The following NEDD4L variants were observed in gnomAD, a reference collection of about 807,000 sequenced individuals.
NEDD4L encodes NEDD4 like E3 ubiquitin protein ligase.
In NEDD4L, 54 loss-of-function variants were observed where a neutral mutation model predicts 148.9. That is an observed-to-expected ratio of 0.36 (90% CI 0.29 to 0.45). The LOEUF (loss-of-function observed/expected upper bound fraction) is 0.45. Ranked by LOEUF, NEDD4L falls within the 20% of genes least tolerant of loss-of-function variation. NEDD4L has a pLI of 1.00. For missense variants in NEDD4L, 856 were observed against 1,233.8 expected (o/e 0.69, Z 4.59); for synonymous variants, 433 against 440.7 (o/e 0.98, Z 0.22).
intron 2 of NEDD4L, among the ~76,000 whole-genome samples, chr18:58,229,776 G>A (rs1213809415): frequency 6.6e-6 from 1 of 152,008 alleles, no homozygotes; most frequent in African/African-American, 2.4e-5. Flanking sequence ...CGGATCGTGA[G>A]GTCAGGAGAT....
At chr18:58,059,348 C>T (rs2082223969) in intron 1 of NEDD4L, among the ~76,000 whole-genome samples, 1 of 152,218 alleles carries the variant, frequency 6.6e-6, no homozygotes, top group African/African-American at 2.4e-5. Context: ...ATGTGTTCCA[C>T]GGAAGAAGGT....
At chr18:58,131,300 G>A (rs116025130) in intron 1 of NEDD4L, among the ~76,000 whole-genome samples, 3,655 of 139,674 alleles carry the variant, frequency 0.026, 182 homozygotes, top group African/African-American at 0.092. Flanking sequence ...TTGTGATCTA[G>A]CAGAACAGTG....
intron 5 of NEDD4L, among the ~76,000 whole-genome samples, chr18:58,252,404 T>C (rs2048041677): frequency 6.6e-6 from 1 of 152,160 alleles, no homozygotes; most frequent in African/African-American, 2.4e-5. Context: ...CTTTGCTCGG[T>C]TTTTAAATGA....
chr18:58,280,683 C>T (rs1431752910), intron 5 of NEDD4L, among the ~76,000 whole-genome samples: 1 of 151,940 alleles, frequency 6.6e-6, no homozygotes, highest in Admixed American at 6.6e-5. Flanking sequence ...GTGGGGAATT[C>T]GGAGTGAGGG....
intron 4 of NEDD4L, 127 bp downstream of exon 4, chr18:58,249,064 A>G (rs2047602859): frequency 5.4e-6 from 3 of 553,240 alleles, no homozygotes; most frequent in Non-Finnish European, 9.5e-6. Context: ...AAAAATAGGT[A>G]GCCTCCTAAT....
chr18:58,320,514 T>G (rs1254801305), intron 6 of NEDD4L, among the ~76,000 whole-genome samples: 1 of 152,232 alleles, frequency 6.6e-6, no homozygotes, highest in Admixed American at 6.5e-5. Context: ...AATATTGCTC[T>G]CAAATTATTT....
chr18:58,386,969 A>G (rs188284025), intron 26 of NEDD4L, among the ~76,000 whole-genome samples: 1 of 152,242 alleles, frequency 6.6e-6, no homozygotes, highest in East Asian at 1.9e-4. Context: ...CTCATCCTAG[A>G]TCACGCCACA....
chr18:58,304,930 C>T (rs977660600), intron 5 of NEDD4L, among the ~76,000 whole-genome samples: 2 of 152,206 alleles, frequency 1.3e-5, no homozygotes, highest in African/African-American at 4.8e-5. Context: ...AGAGTGGCAG[C>T]CAGATATCCC....
intron 2 of NEDD4L, 117 bp from the exon 3 acceptor site, chr18:58,245,310 T>G (rs2047125831): frequency 1.8e-6 from 1 of 558,376 alleles, no homozygotes; most frequent in South Asian, 2.8e-5. Context: ...TTGCTTAGTT[T>G]GTGGAAATAA....
Position 58,248,772 on chromosome 18 carries a change from C to T in NEDD4L, c.205-127C>T, listed in dbSNP as rs1357976405. On this transcript the variant is annotated intron_variant, in intron 3 of 30. Transcript: ENST00000400345. ...GGTTTGTACGCTAGTCTCAAATAAT[C>T]GACTAAATGCTTCTCTTAGCTTTTT... The T allele has an allele frequency of 7.7e-5, 45 of 584,990 alleles. No homozygotes were observed. The East Asian group carries it at 8.2e-4, about 11-fold the overall frequency. The allele number at this position is 584,990 out of a possible 1,614,324, so 36.2% of individuals were successfully genotyped here.
intron 22 of NEDD4L, 130 bp from the exon 23 acceptor site, chr18:58,370,267 G>A: frequency 7.5e-6 from 5 of 668,380 alleles, no homozygotes; most frequent in Middle Eastern, 7.1e-4. Flanking sequence ...GTGCAATACT[G>A]TAGAAGGCCC....
At chr18:58,255,473 C>G in intron 5 of NEDD4L, 1 of 1,227,328 alleles carries the variant, frequency 8.1e-7, no homozygotes, top group Non-Finnish European at 1.0e-6. Flanking sequence ...TGGAATGCCG[C>G]TTGCCACTTG....
intron 5 of NEDD4L, among the ~76,000 whole-genome samples, chr18:58,281,323 A>T (rs73961552): frequency 0.018 from 2,318 of 128,896 alleles, 51 homozygotes; most frequent in African/African-American, 0.065. Flanking sequence ...TTTTTTTTTT[A>T]AACTGGAAAG....
intron 1 of NEDD4L, among the ~76,000 whole-genome samples, chr18:58,139,763 C>T (rs1235846897): frequency 6.6e-6 from 1 of 152,108 alleles, no homozygotes; most frequent in African/African-American, 2.4e-5. Flanking sequence ...TTCATCTTTG[C>T]TAACCTCCCA....
chr18:58,395,514 A>T (rs1184457583), intron 30 of NEDD4L, among the ~76,000 whole-genome samples: 1 of 151,712 alleles, frequency 6.6e-6, no homozygotes, highest in Non-Finnish European at 1.5e-5. Context: ...GCCTCCAGAT[A>T]TGTAGGGACT....
chr18:58,328,974 C>T (rs557631461), intron 9 of NEDD4L, 21 bp from the exon 10 acceptor site: 3 of 1,613,716 alleles, frequency 1.9e-6, no homozygotes, highest in East Asian at 2.2e-5. Context: ...TCTTCTCTTT[C>T]CCCCTTTCCT....
chr18:58,169,347 T>C (rs953142251), intron 2 of NEDD4L, among the ~76,000 whole-genome samples: 15 of 152,262 alleles, frequency 9.9e-5, no homozygotes, highest in Admixed American at 1.3e-4. Context: ...GGATCATACC[T>C]TGAGGACAAA....
intron 4 of NEDD4L, among the ~76,000 whole-genome samples, chr18:58,251,283 T>C (rs1440465611): frequency 6.6e-6 from 1 of 152,156 alleles, no homozygotes; most frequent in African/African-American, 2.4e-5. Flanking sequence ...CCCAGCACTT[T>C]GAGAGGCCAA....
At chr18:58,155,525 A>G (rs531532491) in intron 1 of NEDD4L, among the ~76,000 whole-genome samples, 11 of 152,310 alleles carry the variant, frequency 7.2e-5, no homozygotes, top group African/African-American at 2.6e-4. Flanking sequence ...ATTTCTTTGC[A>G]GTAAGGTGGC....
Sources: gnomAD v4.1 joint callset for allele counts (sites outside exome capture counted in the v4.1 genomes callset) on GRCh38, gnomAD v4.1.1 for gene constraint, MANE v1.5 for transcripts, NCBI Gene and HGNC (gene_info 2026-07-23, HGNC 2026-07-21) for gene names.